LHFPL3: variants seen among roughly 807,000 people sequenced by gnomAD.
LHFPL3 encodes the protein LHFPL tetraspan subfamily member 3, also known as LHFPL tetraspan subfamily member 3 protein.
Under a neutral mutation model 19.3 loss-of-function variants are expected in LHFPL3, and 5 were observed. The ratio of observed to expected loss-of-function variants is 0.26; its 90% CI spans 0.14 to 0.54. The LOEUF is 0.54. LHFPL3 is among the 20% of genes least tolerant of loss of function. The pLI, the probability that LHFPL3 is intolerant of heterozygous loss-of-function variation, is 0.94. For synonymous variants in LHFPL3, 133 were observed against 126.2 expected (o/e 1.05, Z -0.36); for missense variants, 249 against 307.4 (o/e 0.81, Z 1.42).
intron 2 of LHFPL3, among the ~76,000 whole-genome samples, chr7:104,868,035 A>G (rs1419113046): frequency 2.0e-5 from 3 of 152,348 alleles, no homozygotes; most frequent in African/African-American, 7.2e-5. Context: ...ACAACCCTTC[A>G]TGCTAAAAAC....
intron 1 of LHFPL3, among the ~76,000 whole-genome samples, chr7:104,620,405 T>C (rs556108854): frequency 1.6e-4 from 25 of 152,256 alleles, no homozygotes; most frequent in Non-Finnish European, 2.8e-4. Flanking sequence ...GGTTGTTAAA[T>C]ATTTTTAGCT....
At chr7:104,545,694 G>A (rs889370457) in intron 1 of LHFPL3, among the ~76,000 whole-genome samples, 4 of 152,204 alleles carry the variant, frequency 2.6e-5, no homozygotes, top group African/African-American at 9.6e-5. Flanking sequence ...GTGAGAGCAG[G>A]AACGTAGTCT....
At chr7:104,790,438 G>A (rs539992555) in intron 2 of LHFPL3, among the ~76,000 whole-genome samples, 12 of 152,114 alleles carry the variant, frequency 7.9e-5, no homozygotes, top group East Asian at 3.9e-4. Flanking sequence ...CTGGCCATAC[G>A]TATGTCTCCT....
intron 1 of LHFPL3, among the ~76,000 whole-genome samples, chr7:104,354,925 C>T (rs1187666714): frequency 6.6e-6 from 1 of 152,030 alleles, no homozygotes; most frequent in Non-Finnish European, 1.5e-5. Flanking sequence ...ATTTTATATT[C>T]TTTTTCTTTT....
intron 1 of LHFPL3, among the ~76,000 whole-genome samples, chr7:104,592,032 G>C (rs1185506140): frequency 6.6e-6 from 1 of 152,034 alleles, no homozygotes; most frequent in African/African-American, 2.4e-5. Context: ...TTTTTTCAAC[G>C]TTTTTAGCTT....
At chr7:104,750,710 ATTG>A (rs1427849379) in intron 2 of LHFPL3, among the ~76,000 whole-genome samples, 17 of 152,152 alleles carry the variant, frequency 1.1e-4, no homozygotes, top group African/African-American at 3.9e-4. Context: ...GCGGGAGACA[ATTG>A]TTGTATTGTG....
intron 2 of LHFPL3, among the ~76,000 whole-genome samples, chr7:104,842,209 T>C (rs1442784102): frequency 1.4e-5 from 2 of 146,070 alleles, no homozygotes; most frequent in Non-Finnish European, 3.0e-5. Context: ...TCAGTCATTT[T>C]GATGAGTTAA....
At chr7:104,708,249 A>G (rs1192833500) in intron 1 of LHFPL3, among the ~76,000 whole-genome samples, 2 of 152,236 alleles carry the variant, frequency 1.3e-5, no homozygotes, top group East Asian at 3.8e-4. Flanking sequence ...ATCCTCATCC[A>G]AAATATGAAA....
chr7:104,357,484 C>G (rs1241040573), intron 1 of LHFPL3, among the ~76,000 whole-genome samples: 1 of 152,128 alleles, frequency 6.6e-6, no homozygotes, highest in Non-Finnish European at 1.5e-5. Flanking sequence ...TCCGTAAGCA[C>G]TAACTTTCGG....
Position 104,636,296 on chromosome 7 carries a change from G to C in LHFPL3, c.446-100379G>C, listed in dbSNP as rs112071739. Among the ~76,000 whole-genome samples, 527 of 152,236 alleles carry C rather than the reference G, an allele frequency of 3.5e-3. 4 individuals carry two copies. Among genetic ancestry groups the C allele is most frequent in the African/African-American group, 0.012 (499 of 41,554 alleles). ...GAAATATGGAAGTTAATGCCAGAAGGAACAGCTCAAAGAGTTGAATGGTGC... is the reference window on the plus strand; with the variant it reads ...GAAATATGGAAGTTAATGCCAGAAGCAACAGCTCAAAGAGTTGAATGGTGC... On this transcript the variant is annotated intron_variant, in intron 1 of 2. Coordinates refer to ENST00000424859, the MANE Select transcript of LHFPL3 (RefSeq NM_199000.3).
chr7:104,891,795 C>T (rs1792251066), intron 2 of LHFPL3, among the ~76,000 whole-genome samples: 1 of 152,176 alleles, frequency 6.6e-6, no homozygotes, highest in Non-Finnish European at 1.5e-5. Flanking sequence ...GCTCTCCTGT[C>T]TGTGACAGCC....
At chr7:104,490,616 C>T (rs1304615473) in intron 1 of LHFPL3, among the ~76,000 whole-genome samples, 1 of 152,108 alleles carries the variant, frequency 6.6e-6, no homozygotes, top group Non-Finnish European at 1.5e-5. Context: ...ATTGGGTATA[C>T]AGAGAACCAC....
chr7:104,602,092 T>A (rs1195351027), intron 1 of LHFPL3, among the ~76,000 whole-genome samples: 2 of 133,650 alleles, frequency 1.5e-5, no homozygotes, highest in Non-Finnish European at 3.1e-5. Context: ...ATTATCTCAG[T>A]TCACTGCAAC....
intron 1 of LHFPL3, among the ~76,000 whole-genome samples, chr7:104,721,254 T>C (rs1332987716): frequency 6.6e-6 from 1 of 152,128 alleles, no homozygotes; most frequent in African/African-American, 2.4e-5. Context: ...TGGATGAAGC[T>C]GAAAACCATC....
At chr7:104,451,710 A>G (rs28504445) in intron 1 of LHFPL3, among the ~76,000 whole-genome samples, 25,989 of 152,142 alleles carry the variant, frequency 0.17, 2,223 homozygotes, top group Middle Eastern at 0.2. Context: ...TACAAAAGAC[A>G]TGTTTAGTGT....
chr7:104,842,418 A>T (rs1791232495), intron 2 of LHFPL3, among the ~76,000 whole-genome samples: 1 of 152,074 alleles, frequency 6.6e-6, no homozygotes, highest in East Asian at 1.9e-4. Context: ...CCCAGAGCAG[A>T]CCTTAGAAGA....
chr7:104,671,382 C>T (rs1192199719), intron 1 of LHFPL3, among the ~76,000 whole-genome samples: 1 of 151,992 alleles, frequency 6.6e-6, no homozygotes, highest in Non-Finnish European at 1.5e-5. Context: ...TTGTCCCCCC[C>T]ATTAAAATAG....
At chr7:104,419,862 A>G (rs550221060) in intron 1 of LHFPL3, among the ~76,000 whole-genome samples, 1 of 152,344 alleles carries the variant, frequency 6.6e-6, no homozygotes, top group East Asian at 1.9e-4. Context: ...ATGTTAACCC[A>G]AAGCAAATAT....
At chr7:104,646,777 CTT>C (rs1345039291) in intron 1 of LHFPL3, among the ~76,000 whole-genome samples, 5 of 152,298 alleles carry the variant, frequency 3.3e-5, no homozygotes, top group South Asian at 2.1e-4. Context: ...AGAAATGAAA[CTT>C]GAGTTACCAA....
Sources: gnomAD v4.1 joint callset for allele counts (sites outside exome capture counted in the v4.1 genomes callset) on GRCh38, gnomAD v4.1.1 for gene constraint, MANE v1.5 for transcripts, NCBI Gene and HGNC (gene_info 2026-07-23, HGNC 2026-07-21) for gene names.